TFDP2: variants seen among roughly 807,000 people sequenced by gnomAD.
TFDP2 encodes transcription factor Dp-2.
TFDP2 carries 17 observed loss-of-function variants against 59.3 expected under a neutral mutation model. The ratio of observed to expected loss-of-function variants is 0.29; its 90% CI spans 0.20 to 0.43. The LOEUF (loss-of-function observed/expected upper bound fraction) is 0.43, where lower values mean the gene tolerates loss of function less well. Ranked by LOEUF, TFDP2 falls within the 20% of genes least tolerant of loss-of-function variation. The pLI, the probability that TFDP2 is intolerant of heterozygous loss-of-function variation, is 1.00. For missense variants in TFDP2, 391 were observed against 528.8 expected (o/e 0.74, Z 2.56); for synonymous variants, 180 against 194.7 (o/e 0.92, Z 0.63).
chr3:141,997,624 C>T (rs1176985604), intron 4 of TFDP2, among the ~76,000 whole-genome samples: 2 of 151,374 alleles, frequency 1.3e-5, no homozygotes, highest in Admixed American at 6.6e-5. Context: ...CAAAGGCAGG[C>T]GGATCATTTG....
rs1935961010 is a variant in TFDP2 at position 141,951,723 on chromosome 3, TG to T, written c.*789del. On this transcript the variant is annotated 3_prime_UTR_variant, in exon 13 of 13. Transcript: ENST00000489671. ...AACCTAAAGATACAGTTTCCTTCTT[TG>T]TAAAACTCCAGATTTAGGATGCTGG... is the stretch of plus-strand genomic sequence containing the variant. 6.6e-6 allele frequency: 1 copy of T among 152,662 alleles called. No individual in the cohort carries two copies. The highest frequency in any genetic ancestry group is 1.5e-5 in the Non-Finnish European group (1 of 68,036). 9.5% of individuals were successfully genotyped at this position (152,662 alleles called of 1,614,324 possible).
At chr3:142,119,063 AG>A (rs1560164520) in intron 1 of TFDP2, among the ~76,000 whole-genome samples, 2 of 152,180 alleles carry the variant, frequency 1.3e-5, no homozygotes, top group Admixed American at 6.5e-5. Flanking sequence ...TGGGTGGCTG[AG>A]GCATGAGAAC....
chr3:142,032,538 A>G (rs1469920883), intron 3 of TFDP2, among the ~76,000 whole-genome samples: 2 of 152,234 alleles, frequency 1.3e-5, no homozygotes, highest in Non-Finnish European at 2.9e-5. Flanking sequence ...TTATACTTCT[A>G]GCCCTGGCTT....
Position 142,093,403 on chromosome 3 carries a change from A to T in TFDP2, c.16-276T>A, listed in dbSNP as rs114932071. Among the ~76,000 whole-genome samples, 1,071 of 152,000 alleles carry T rather than the reference A, an allele frequency of 7.0e-3. 5 individuals carry two copies. Among genetic ancestry groups the T allele is most frequent in the Non-Finnish European group, 9.0e-3 (614 of 67,992 alleles). On this transcript the variant is annotated intron_variant, in intron 2 of 12. Coordinates refer to ENST00000489671, the MANE Select transcript of TFDP2 (RefSeq NM_001178139.2). ...GGCAGAGGTGTTGCAGTGAGCTGAG[A>T]TCATGCCACTGCACTCCAGCCTGGA...
chr3:141,953,451 A>G (rs1389522213), intron 11 of TFDP2, among the ~76,000 whole-genome samples: 1 of 152,086 alleles, frequency 6.6e-6, no homozygotes, highest in Non-Finnish European at 1.5e-5. Context: ...ATGAGGTAAG[A>G]AGGCCACCCT....
At chr3:141,997,632 T>C (rs1943389000) in intron 4 of TFDP2, among the ~76,000 whole-genome samples, 2 of 151,738 alleles carry the variant, frequency 1.3e-5, no homozygotes, top group Admixed American at 1.3e-4. Flanking sequence ...GGCGGATCAT[T>C]TGAGGCCAGG....
chr3:142,095,030 G>C (rs1001452523), intron 2 of TFDP2, among the ~76,000 whole-genome samples: 2 of 150,004 alleles, frequency 1.3e-5, no homozygotes, highest in Admixed American at 1.3e-4. Context: ...CGTTTTTGTT[G>C]CTCAGGCTGG....
chr3:142,135,169 G>C (rs965851722), intron 1 of TFDP2, among the ~76,000 whole-genome samples: 4 of 152,138 alleles, frequency 2.6e-5, no homozygotes, highest in East Asian at 1.9e-4. Flanking sequence ...ACATAGGCAG[G>C]ATCATAGCAT....
At chr3:141,998,599 A>G (rs34514405) in intron 4 of TFDP2, among the ~76,000 whole-genome samples, 17,569 of 152,178 alleles carry the variant, frequency 0.12, 1,221 homozygotes, top group East Asian at 0.18. Context: ...AGCCTAGGTG[A>G]CAGAGCGAGA....
intron 6 of TFDP2, among the ~76,000 whole-genome samples, chr3:141,981,565 T>C (rs1941489496): frequency 6.6e-6 from 1 of 152,238 alleles, no homozygotes; most frequent in Non-Finnish European, 1.5e-5. Context: ...TATGCATCCC[T>C]TGTGATAGTA....
At chr3:142,061,851 C>T (rs2059919448) in intron 3 of TFDP2, among the ~76,000 whole-genome samples, 1 of 148,826 alleles carries the variant, frequency 6.7e-6, no homozygotes, top group South Asian at 2.2e-4. Flanking sequence ...CTGTATGAGC[C>T]AATCCCTATA....
chr3:142,093,333 C>T (rs903014139), intron 2 of TFDP2, among the ~76,000 whole-genome samples: 12 of 151,686 alleles, frequency 7.9e-5, no homozygotes, highest in Non-Finnish European at 1.6e-4. Context: ...CCTGTAGTCC[C>T]AACTACTTGG....
At chr3:142,079,279 G>A (rs534125363) in intron 3 of TFDP2, among the ~76,000 whole-genome samples, 1 of 152,142 alleles carries the variant, frequency 6.6e-6, no homozygotes, top group Non-Finnish European at 1.5e-5. Context: ...CTCCAGCCTA[G>A]GTGACAGGGC....
chr3:142,111,427 CAAAAAAA>C (rs80110477), intron 1 of TFDP2, among the ~76,000 whole-genome samples: 5 of 60,182 alleles, frequency 8.3e-5, no homozygotes, highest in Middle Eastern at 9.3e-3. Context: ...GACTCTGTCT[CAAAAAAA>C]AAAAAAAAAA....
chr3:142,148,987 C>T (rs953031902), intron 1 of TFDP2, among the ~76,000 whole-genome samples, 196 bp downstream of exon 1: 1 of 152,236 alleles, frequency 6.6e-6, no homozygotes, highest in African/African-American at 2.4e-5. Context: ...GAGGGTGACC[C>T]TCCTCTGCTT....
chr3:142,134,777 C>T (rs964495798), intron 1 of TFDP2, among the ~76,000 whole-genome samples: 1 of 151,922 alleles, frequency 6.6e-6, no homozygotes, highest in African/African-American at 2.4e-5. Flanking sequence ...ACAGACAAAC[C>T]TAGATACATA....
chr3:142,112,254 C>A (rs1196823448), intron 1 of TFDP2, among the ~76,000 whole-genome samples: 1 of 152,194 alleles, frequency 6.6e-6, no homozygotes, highest in Non-Finnish European at 1.5e-5. Flanking sequence ...AATGCTCACT[C>A]ATTTCTTGAC....
Position 142,097,509 on chromosome 3 carries a change from T to C in TFDP2, c.15+4226A>G, listed in dbSNP as rs141605692. Among the ~76,000 whole-genome samples the C allele has an allele frequency of 1.4e-4, 22 of 151,972 alleles. No homozygotes were observed. The East Asian group carries it at 2.7e-3, about 19-fold the overall frequency. On this transcript the variant is annotated intron_variant, in intron 2 of 12. Coordinates refer to ENST00000489671, the MANE Select transcript of TFDP2 (RefSeq NM_001178139.2). ...AGTTTGAGACCAGCCTTAAGGAACA[T>C]AGTGAGATCCTGTCCCTACAAAGAA...
In TFDP2 at chr3:141,950,051, C is replaced by G. The variant is rs1935767209; in HGVS notation, c.*2462G>C. On this transcript the variant is annotated 3_prime_UTR_variant, in exon 13 of 13. Coordinates refer to ENST00000489671, the MANE Select transcript of TFDP2 (RefSeq NM_001178139.2). ...TGAACTCCTGAGCTCAAGCAATGTG[C>G]CCGCCTCGGCCTCCCAAAGTGCTAC... 1 of 152,086 alleles carries G rather than the reference C, an allele frequency of 6.6e-6. No individual in the cohort carries two copies. Among genetic ancestry groups the G allele is most frequent in the African/African-American group, 2.4e-5 (1 of 41,382 alleles). The allele number at this position is 152,086 out of a possible 1,614,324, so 9.4% of individuals were successfully genotyped here.
Sources: gnomAD v4.1 joint callset for allele counts (sites outside exome capture counted in the v4.1 genomes callset) on GRCh38, gnomAD v4.1.1 for gene constraint, MANE v1.5 for transcripts, NCBI Gene and HGNC (gene_info 2026-07-23, HGNC 2026-07-21) for gene names.